Variants in RAP1GDS1 observed in about 807,000 individuals in gnomAD.
RAP1GDS1 encodes RAP1, GTP-GDP dissociation stimulator 1.
RAP1GDS1 carries 35 observed loss-of-function variants against 71.1 expected under a neutral mutation model. The ratio of observed to expected loss-of-function variants is 0.49; its 90% CI spans 0.38 to 0.65. RAP1GDS1 has a LOEUF of 0.65. RAP1GDS1 is among the 30% of genes least tolerant of loss of function. The pLI is 0.00. For synonymous variants in RAP1GDS1, 229 were observed against 243.1 expected (o/e 0.94, Z 0.54); for missense variants, 663 against 706.1 (o/e 0.94, Z 0.69).
At chr4:98,343,816 T>G (rs944281398) in intron 3 of RAP1GDS1, among the ~76,000 whole-genome samples, 7 of 152,224 alleles carry the variant, frequency 4.6e-5, no homozygotes, top group Non-Finnish European at 1.5e-5. Flanking sequence ...TGAGAGATTC[T>G]TTGGATGAAT....
At chr4:98,275,685 C>T (rs2110239806) in intron 1 of RAP1GDS1, among the ~76,000 whole-genome samples, 1 of 152,218 alleles carries the variant, frequency 6.6e-6, no homozygotes, top group East Asian at 1.9e-4. Flanking sequence ...TAGTGCTGCA[C>T]TACTTCACCT....
intron 2 of RAP1GDS1, among the ~76,000 whole-genome samples, chr4:98,319,115 G>A (rs1731384603): frequency 6.6e-6 from 1 of 152,110 alleles, no homozygotes; most frequent in Non-Finnish European, 1.5e-5. Context: ...TATTAAAACT[G>A]CTTCTATACA....
chr4:98,378,221 T>C (rs959066631), intron 4 of RAP1GDS1, among the ~76,000 whole-genome samples: 7 of 151,898 alleles, frequency 4.6e-5, no homozygotes, highest in African/African-American at 1.4e-4. Context: ...TTCATTCTTA[T>C]GTTCAAAAGT....
intron 4 of RAP1GDS1, among the ~76,000 whole-genome samples, chr4:98,367,399 AAGGCAGTGCAGAAGGGAAATG>A (rs1274683257): frequency 1.3e-5 from 2 of 152,206 alleles, no homozygotes; most frequent in Non-Finnish European, 2.9e-5. Flanking sequence ...AACCTCTGCT[AAGGCAGTGCAGAAGGGAAATG>A]TGGGGTTGGA....
intron 2 of RAP1GDS1, among the ~76,000 whole-genome samples, chr4:98,294,170 C>G (rs927160734): frequency 5.3e-5 from 8 of 151,910 alleles, no homozygotes; most frequent in African/African-American, 1.9e-4. Context: ...ATTAATAGAT[C>G]AGTATAGAGT....
intron 2 of RAP1GDS1, among the ~76,000 whole-genome samples, chr4:98,306,962 T>C (rs952789477): frequency 8.5e-5 from 13 of 152,258 alleles, no homozygotes; most frequent in African/African-American, 2.6e-4. Flanking sequence ...TAGGTATACA[T>C]TGGAATCTAT....
chr4:98,307,884 G>A (rs1729561078), intron 2 of RAP1GDS1, among the ~76,000 whole-genome samples: 1 of 152,114 alleles, frequency 6.6e-6, no homozygotes, highest in Non-Finnish European at 1.5e-5. Context: ...GTAAATAACA[G>A]TGATATGGTT....
At chr4:98,310,973 C>G (rs1456139768) in intron 2 of RAP1GDS1, among the ~76,000 whole-genome samples, 2 of 152,098 alleles carry the variant, frequency 1.3e-5, no homozygotes, top group African/African-American at 4.8e-5. Context: ...AAATTTTAGG[C>G]TGCATAAAAT....
In RAP1GDS1 at chr4:98,379,141, G is replaced by A; in HGVS notation, c.486G>A (p.Leu162=). The change falls in exon 5 of 15, where the codon CTG becomes CTA. Residue 162 remains leucine (L), a synonymous_variant. Coordinates refer to ENST00000408927, the MANE Select transcript of RAP1GDS1 (RefSeq NM_001100427.2). Reference sequence around the variant, plus strand: ...TCTTGACTGTCTTTTGTGGCATGCTGATGAACTATAGCAATGAGAATGGTA... The same window carrying A: ...TCTTGACTGTCTTTTGTGGCATGCTAATGAACTATAGCAATGAGAATGGTA... ...EKLLTVFCGM[L]MNYSNENDSL... is the part of the protein sequence containing the mutation. 6.2e-7 allele frequency: 1 copy of A among 1,606,202 alleles called. No homozygotes were observed. The highest frequency in any genetic ancestry group is 8.5e-7 in the Non-Finnish European group (1 of 1,176,704).
At chr4:98,411,301 GAT>G (rs779464016) in intron 7 of RAP1GDS1, among the ~76,000 whole-genome samples, 3 of 152,150 alleles carry the variant, frequency 2.0e-5, no homozygotes, top group Non-Finnish European at 4.4e-5. Flanking sequence ...TGTGAGAAGA[GAT>G]TATCTGTAAA....
At chr4:98,400,029 T>C (rs970323865) in intron 6 of RAP1GDS1, among the ~76,000 whole-genome samples, 2 of 151,904 alleles carry the variant, frequency 1.3e-5, no homozygotes, top group Non-Finnish European at 2.9e-5. Flanking sequence ...GGCACAGGTG[T>C]ATAGTCCCAG....
At chr4:98,303,953 G>A (rs981122444) in intron 2 of RAP1GDS1, among the ~76,000 whole-genome samples, 10 of 152,232 alleles carry the variant, frequency 6.6e-5, no homozygotes, top group African/African-American at 2.2e-4. Flanking sequence ...AACATGCAGT[G>A]TTTGGGCTGC....
intron 2 of RAP1GDS1, among the ~76,000 whole-genome samples, chr4:98,335,078 G>C (rs1404660763): frequency 6.6e-6 from 1 of 151,988 alleles, no homozygotes; most frequent in African/African-American, 2.4e-5. Flanking sequence ...AATGAGAATA[G>C]GCCATAAGAT....
chr4:98,310,792 T>A (rs1448437809), intron 2 of RAP1GDS1, among the ~76,000 whole-genome samples: 4 of 151,180 alleles, frequency 2.6e-5, no homozygotes, highest in Non-Finnish European at 4.4e-5. Context: ...TAAACTATAA[T>A]CTCAAAGACT....
chr4:98,328,105 C>T (rs1369833718), intron 2 of RAP1GDS1, among the ~76,000 whole-genome samples: 3 of 152,106 alleles, frequency 2.0e-5, no homozygotes, highest in Admixed American at 6.5e-5. Flanking sequence ...CCTATTGTAA[C>T]CATGTGGCCT....
chr4:98,374,027 T>A (rs1560920882), intron 4 of RAP1GDS1, among the ~76,000 whole-genome samples: 1 of 152,340 alleles, frequency 6.6e-6, no homozygotes, highest in East Asian at 1.9e-4. Flanking sequence ...AAACTTTATT[T>A]TTTTTATTTC....
intron 2 of RAP1GDS1, among the ~76,000 whole-genome samples, chr4:98,309,964 A>C (rs889596222): frequency 3.1e-4 from 47 of 152,154 alleles, no homozygotes; most frequent in African/African-American, 1.1e-3. Flanking sequence ...CACTTACTAA[A>C]TGTAGGTCGA....
intron 5 of RAP1GDS1, among the ~76,000 whole-genome samples, chr4:98,385,782 T>C (rs924733252): frequency 1.3e-5 from 2 of 151,982 alleles, no homozygotes; most frequent in African/African-American, 4.8e-5. Context: ...TAAATTACAA[T>C]AATGCCCCAT....
chr4:98,411,448 C>CAA (rs200013590), intron 7 of RAP1GDS1, among the ~76,000 whole-genome samples: 4 of 146,154 alleles, frequency 2.7e-5, no homozygotes, highest in Admixed American at 2.0e-4. Flanking sequence ...GACCCTGTCT[C>CAA]AAAAAAAAAA....
Sources: allele counts gnomAD v4.1 joint callset (sites outside exome capture counted in the v4.1 genomes callset), GRCh38; gene constraint gnomAD v4.1.1; transcripts MANE v1.5; gene names NCBI Gene and HGNC (gene_info 2026-07-23, HGNC 2026-07-21).